SCN3A: variants seen among roughly 807,000 people sequenced by gnomAD.
SCN3A encodes the protein sodium voltage-gated channel alpha subunit 3, also known as sodium channel protein type 3 subunit alpha.
SCN3A carries 60 observed loss-of-function variants against 187.6 expected under a neutral mutation model. The observed-to-expected ratio is 0.32, with a 90% CI of 0.26 to 0.40. The LOEUF (loss-of-function observed/expected upper bound fraction) is 0.40. Among genes scored for constraint, SCN3A ranks in the 10% least tolerant of loss-of-function variants. The probability of loss-of-function intolerance (pLI) is 1.00; values close to 1 mark genes in which losing one functional copy is unlikely to be tolerated. For synonymous variants in SCN3A, 788 were observed against 829.2 expected (o/e 0.95, Z 0.85); for missense variants, 1,601 against 2,428.2 (o/e 0.66, Z 7.16).
intron 22 of SCN3A, among the ~76,000 whole-genome samples, chr2:165,098,374 A>G (rs1685457899): frequency 6.6e-6 from 1 of 152,234 alleles, no homozygotes; most frequent in South Asian, 2.1e-4. Flanking sequence ...ATTTTAAAAT[A>G]CTGCAAACAT....
chr2:165,129,379 A>G (rs1687180197), intron 17 of SCN3A, among the ~76,000 whole-genome samples: 2 of 152,246 alleles, frequency 1.3e-5, no homozygotes, highest in African/African-American at 4.8e-5. Flanking sequence ...ATGCAAATTC[A>G]GGGAAGAAAA....
rs566291652 is a variant in SCN3A, at chr2:165,154,851, G to A, written c.1174-193C>T. On this transcript the variant is annotated intron_variant, in intron 10 of 27. Coordinates refer to ENST00000283254, the MANE Select transcript of SCN3A (RefSeq NM_006922.4). The stretch of plus-strand genomic sequence containing the variant: ...TCAGATTATTTGAGGCTTGACTGCA[G>A]TCTTGTTGGATATAAATACATTTTA... Among the ~76,000 whole-genome samples, 17 of 152,248 alleles carry A rather than the reference G, an allele frequency of 1.1e-4. No homozygotes were observed. The South Asian group carries it at 3.5e-3, about 32-fold the overall frequency.
At chr2:165,155,635 G>C in intron 10 of SCN3A, 127 bp downstream of exon 10, 1 of 996,732 alleles carries the variant, frequency 1.0e-6, no homozygotes, top group Non-Finnish European at 1.5e-6. Flanking sequence ...CTGGACTCAA[G>C]TGATCCATCC....
chr2:165,188,971 T>C (rs1691426078), intron 1 of SCN3A, among the ~76,000 whole-genome samples: 1 of 152,104 alleles, frequency 6.6e-6, no homozygotes, highest in African/African-American at 2.4e-5. Context: ...GATGCATGGA[T>C]GACTATTTGA....
chr2:165,098,301 GTCTAA>G (rs902127593), intron 22 of SCN3A, among the ~76,000 whole-genome samples: 4 of 152,074 alleles, frequency 2.6e-5, no homozygotes, highest in Non-Finnish European at 5.9e-5. Flanking sequence ...AATTTTTCTT[GTCTAA>G]TCTAGTTCAT....
At chr2:165,137,729 T>C in intron 15 of SCN3A, 150 bp downstream of exon 15, 1 of 687,254 alleles carries the variant, frequency 1.5e-6, no homozygotes, top group Non-Finnish European at 2.6e-6. Flanking sequence ...GCTGTATCTC[T>C]GAGATTCCCT....
At chr2:165,166,383 C>G (rs573776701) in intron 5 of SCN3A, among the ~76,000 whole-genome samples, 1 of 115,626 alleles carries the variant, frequency 8.6e-6, no homozygotes, top group South Asian at 2.6e-4. Context: ...TATGCCCACA[C>G]TAGGCTCATA....
chr2:165,115,235 T>TC lies in SCN3A; in HGVS notation c.3514+219_3514+220insG, dbSNP rs1559195704. Among the ~76,000 whole-genome samples, 69 of 141,900 alleles carry TC rather than the reference T, an allele frequency of 4.9e-4. No individual in the cohort carries two copies. The South Asian group carries it at 0.012, about 25-fold the overall frequency. 93.1% of individuals were successfully genotyped at this position (141,900 alleles called of 152,430 possible). ...TGAGCTAATTTATTTTTTCTTTCTT[T>TC]ATTTTTTTTTTTGTAGAGGCAAAGC... On this transcript the variant is annotated intron_variant, in intron 19 of 27. Coordinates refer to ENST00000283254, the MANE Select transcript of SCN3A (RefSeq NM_006922.4).
At chr2:165,171,870 A>G (rs778850676) in intron 3 of SCN3A, among the ~76,000 whole-genome samples, 6 of 152,086 alleles carry the variant, frequency 3.9e-5, no homozygotes, top group Non-Finnish European at 8.8e-5. Flanking sequence ...TTTTTTTCAC[A>G]GTATTTAATA....
At chr2:165,099,742 C>A (rs575638357) in intron 22 of SCN3A, among the ~76,000 whole-genome samples, 55 of 151,978 alleles carry the variant, frequency 3.6e-4, no homozygotes, top group Non-Finnish European at 6.5e-4. Flanking sequence ...ACAAAAAAAC[C>A]AAAAAACTCT....
Position 165,203,180 on chromosome 2 carries a change from T to G in SCN3A, c.-248+643A>C, listed in dbSNP as rs114124649. ...AATCAATAAATTAAAAGGTAAACAT[T>G]TAATATAAAATGAATATATTAAAGG... On this transcript the variant is annotated intron_variant, in intron 1 of 27. Coordinates refer to ENST00000283254, the MANE Select transcript of SCN3A (RefSeq NM_006922.4). 7.4e-3 allele frequency among the ~76,000 whole-genome samples: 1,130 copies of G among 152,048 alleles called. 21 individuals carry two copies. Among genetic ancestry groups the G allele is most frequent in the African/African-American group, 0.026 (1,089 of 41,524 alleles).
intron 18 of SCN3A, chr2:165,119,642 T>C (rs1251947879): frequency 1.3e-5 from 2 of 152,126 alleles, no homozygotes; most frequent in Non-Finnish European, 1.5e-5. Context: ...TCAAGGGTGG[T>C]TTGTGATACA....
At chr2:165,156,040 G>C in intron 9 of SCN3A, 137 bp from the exon 10 acceptor site, 1 of 995,318 alleles carries the variant, frequency 1.0e-6, no homozygotes, top group Non-Finnish European at 1.6e-6. Flanking sequence ...GAACACTTTA[G>C]GTGATTGCCC....
At chr2:165,193,601 C>G (rs1056674560) in intron 1 of SCN3A, among the ~76,000 whole-genome samples, 3 of 152,094 alleles carry the variant, frequency 2.0e-5, no homozygotes, top group Non-Finnish European at 4.4e-5. Flanking sequence ...CAGTTTCTTT[C>G]CAGGCAAACA....
chr2:165,156,806 C>T (rs1689076221), intron 9 of SCN3A, among the ~76,000 whole-genome samples: 1 of 152,150 alleles, frequency 6.6e-6, no homozygotes, highest in Non-Finnish European at 1.5e-5. Context: ...CCTGCCTTGG[C>T]CTCCTGAAGT....
chr2:165,165,529 C>T (rs16850180), intron 5 of SCN3A, among the ~76,000 whole-genome samples: 4,894 of 152,190 alleles, frequency 0.032, 253 homozygotes, highest in African/African-American at 0.11. Context: ...ATTTCTAGCC[C>T]TCTTTTCTTT....
chr2:165,163,408 T>G (rs1206419003), intron 7 of SCN3A, among the ~76,000 whole-genome samples: 4 of 152,158 alleles, frequency 2.6e-5, no homozygotes, highest in Non-Finnish European at 5.9e-5. Flanking sequence ...AGATGTCTCA[T>G]GCAATTTTCT....
At chr2:165,201,902 C>T (rs1692346339) in intron 1 of SCN3A, among the ~76,000 whole-genome samples, 1 of 151,986 alleles carries the variant, frequency 6.6e-6, no homozygotes, top group Non-Finnish European at 1.5e-5. Flanking sequence ...ACAAAGTATT[C>T]TTATACAGCT....
chr2:165,100,280 T>C (rs1559183205), intron 22 of SCN3A, 22 bp downstream of exon 22: 1 of 1,612,014 alleles, frequency 6.2e-7, no homozygotes. Flanking sequence ...ACATGAATAA[T>C]TAGAGTGTCT....
Sources: allele counts gnomAD v4.1 joint callset (sites outside exome capture counted in the v4.1 genomes callset), GRCh38; gene constraint gnomAD v4.1.1; transcripts MANE v1.5; gene names NCBI Gene and HGNC (gene_info 2026-07-23, HGNC 2026-07-21).